PDE4D: variants seen among roughly 807,000 people sequenced by gnomAD.
The protein encoded by PDE4D is phosphodiesterase 4D.
In PDE4D, 24 loss-of-function variants were observed where a neutral mutation model predicts 87.4. That is an observed-to-expected ratio of 0.27 (90% CI 0.20 to 0.39). The LOEUF (loss-of-function observed/expected upper bound fraction) is 0.39, where lower values mean the gene tolerates loss of function less well. Ranked by LOEUF, PDE4D falls within the 10% of genes least tolerant of loss-of-function variation. The probability of loss-of-function intolerance (pLI) is 1.00; values close to 1 mark genes in which losing one functional copy is unlikely to be tolerated. For synonymous variants in PDE4D, 384 were observed against 383.2 expected (o/e 1.00, Z -0.02); for missense variants, 714 against 1,041.0 (o/e 0.69, Z 4.32).
At chr5:59,012,014 G>C (rs2936199) in intron 6 of PDE4D, among the ~76,000 whole-genome samples, 3 of 152,054 alleles carry the variant, frequency 2.0e-5, no homozygotes, top group African/African-American at 7.2e-5. Flanking sequence ...ATTCTTAAAG[G>C]AAAGAATTTT....
At chr5:60,193,787 G>T (rs1740860364) in intron 1 of PDE4D, among the ~76,000 whole-genome samples, 2 of 151,192 alleles carry the variant, frequency 1.3e-5, no homozygotes, top group Admixed American at 6.6e-5. Flanking sequence ...CTTTACCTAG[G>T]TTTAGTTTCA....
chr5:59,978,046 A>G (rs1761518178), intron 3 of PDE4D, among the ~76,000 whole-genome samples: 1 of 152,202 alleles, frequency 6.6e-6, no homozygotes. Context: ...CTGTTCATTG[A>G]CAATGCACCT....
At chr5:60,341,847 A>G (rs1163545130) in intron 1 of PDE4D, among the ~76,000 whole-genome samples, 6 of 152,126 alleles carry the variant, frequency 3.9e-5, no homozygotes, top group Non-Finnish European at 7.4e-5. Context: ...TGCCAACCAA[A>G]CACAGACCCA....
chr5:60,147,973 G>A, intron 2 of PDE4D: 1 of 309,782 alleles, frequency 3.2e-6, no homozygotes, highest in South Asian at 2.5e-5. Flanking sequence ...GAATTTTCTT[G>A]GCCACAGAGA....
intron 1 of PDE4D, among the ~76,000 whole-genome samples, chr5:59,823,448 G>A (rs1265777407): frequency 1.3e-5 from 2 of 152,118 alleles, no homozygotes; most frequent in Non-Finnish European, 2.9e-5. Flanking sequence ...AGCTTGCCCA[G>A]CAAAGCTTTA....
chr5:59,979,847 A>G (rs985896833), intron 3 of PDE4D, among the ~76,000 whole-genome samples: 2 of 152,068 alleles, frequency 1.3e-5, no homozygotes, highest in African/African-American at 4.8e-5. Context: ...GTTGGGGGGA[A>G]GTGTGTTTAA....
intron 2 of PDE4D, among the ~76,000 whole-genome samples, chr5:60,045,994 T>C (rs1340662819): frequency 1.3e-5 from 2 of 152,228 alleles, no homozygotes; most frequent in Non-Finnish European, 2.9e-5. Context: ...TTCCTACCCA[T>C]GAGCATGGAA....
intron 1 of PDE4D, among the ~76,000 whole-genome samples, chr5:59,526,687 G>C (rs538246602): frequency 6.6e-6 from 1 of 152,140 alleles, no homozygotes; most frequent in South Asian, 2.1e-4. Flanking sequence ...GCAGTGGCGT[G>C]ATCTCGGCTC....
intron 3 of PDE4D, among the ~76,000 whole-genome samples, chr5:59,931,852 C>A (rs1755981926): frequency 6.6e-6 from 1 of 152,224 alleles, no homozygotes; most frequent in Non-Finnish European, 1.5e-5. Flanking sequence ...CAGGCACCTG[C>A]CACCATACCC....
At chr5:60,322,383 C>G (rs867236999) in intron 1 of PDE4D, among the ~76,000 whole-genome samples, 3 of 144,716 alleles carry the variant, frequency 2.1e-5, no homozygotes, top group East Asian at 4.0e-4. Flanking sequence ...CACACACACA[C>G]ACACACACAC....
chr5:59,988,417 A>C, intron 3 of PDE4D: 1 of 975,144 alleles, frequency 1.0e-6, no homozygotes, highest in Non-Finnish European at 1.5e-6. Flanking sequence ...AGCCACAAAA[A>C]CTCAAAAGAC....
At chr5:60,483,652 TC>T (rs1748905433) in intron 1 of PDE4D, among the ~76,000 whole-genome samples, 1 of 152,192 alleles carries the variant, frequency 6.6e-6, no homozygotes, top group South Asian at 2.1e-4. Flanking sequence ...AGTGTTCTTA[TC>T]CAATCACCAA....
chr5:60,044,890 T>C (rs1769018053), intron 2 of PDE4D, among the ~76,000 whole-genome samples: 1 of 152,296 alleles, frequency 6.6e-6, no homozygotes, highest in African/African-American at 2.4e-5. Context: ...AGTAATGGCA[T>C]GGCTGGGTCA....
At chr5:59,891,016 C>T (rs965810237) in intron 1 of PDE4D, among the ~76,000 whole-genome samples, 1 of 152,120 alleles carries the variant, frequency 6.6e-6, no homozygotes, top group African/African-American at 2.4e-5. Flanking sequence ...AATGTGTGAG[C>T]ATGTGGGGAA....
chr5:60,045,397 T>C (rs1239391542), intron 2 of PDE4D, among the ~76,000 whole-genome samples: 1 of 152,262 alleles, frequency 6.6e-6, no homozygotes, highest in Non-Finnish European at 1.5e-5. Context: ...TTGGCTTTGG[T>C]TGCCATGGCT....
chr5:59,287,698 C>T (rs779986160), intron 1 of PDE4D, among the ~76,000 whole-genome samples: 14 of 149,964 alleles, frequency 9.3e-5, no homozygotes, highest in Non-Finnish European at 1.6e-4. Context: ...TCCCCCAGAT[C>T]CAGGAAACAG....
intron 2 of PDE4D, among the ~76,000 whole-genome samples, chr5:60,109,454 G>A (rs371316646): frequency 5.3e-5 from 8 of 150,416 alleles, no homozygotes; most frequent in Admixed American, 6.6e-5. Flanking sequence ...TCAGTGTGGC[G>A]ATTCCTCAGG....
At chr5:60,076,450 G>A (rs902630948) in intron 2 of PDE4D, among the ~76,000 whole-genome samples, 13 of 152,198 alleles carry the variant, frequency 8.5e-5, no homozygotes, top group Admixed American at 3.9e-4. Context: ...GAGCCACCAC[G>A]CCTGGCCTGT....
rs1055487879 is a variant in PDE4D, at chr5:60,306,135, G to A, written c.-89-120448C>T. Among the ~76,000 whole-genome samples the A allele has an allele frequency of 5.9e-5, 9 of 151,950 alleles. No homozygotes were observed. In the East Asian group the frequency reaches 9.6e-4, roughly 16 times the overall value. ...AAGAATGCATAAGTATGTGAAAGAC[G>A]TACACATAATCCAGTGGAATTAATA... is the stretch of plus-strand genomic sequence containing the variant. On this transcript the variant is annotated intron_variant, in intron 1 of 16. Coordinates refer to the PDE4D transcript ENST00000502484.
Sources: gnomAD v4.1 joint callset for allele counts (sites outside exome capture counted in the v4.1 genomes callset) on GRCh38, gnomAD v4.1.1 for gene constraint, MANE v1.5 for transcripts, NCBI Gene and HGNC (gene_info 2026-07-23, HGNC 2026-07-21) for gene names.